Variants in ZFYVE9 observed in about 807,000 individuals in gnomAD.
ZFYVE9 encodes the protein zinc finger FYVE domain-containing protein 9.
ZFYVE9 carries 43 observed loss-of-function variants against 126.7 expected under a neutral mutation model. The ratio of observed to expected loss-of-function variants is 0.34; its 90% CI spans 0.27 to 0.44. ZFYVE9 has a LOEUF of 0.44. Ranked by LOEUF, ZFYVE9 falls within the 20% of genes least tolerant of loss-of-function variation. ZFYVE9 has a pLI of 1.00. For synonymous variants in ZFYVE9, 521 were observed against 597.4 expected (o/e 0.87, Z 1.87); for missense variants, 1,476 against 1,697.0 (o/e 0.87, Z 2.29).
chr1:52,339,730 A>G (rs905036008), intron 16 of ZFYVE9, among the ~76,000 whole-genome samples: 1 of 152,214 alleles, frequency 6.6e-6, no homozygotes, highest in Non-Finnish European at 1.5e-5. Flanking sequence ...GCAAACATGA[A>G]GAATATATCA....
At chr1:52,195,322 G>A (rs989713008) in intron 1 of ZFYVE9, among the ~76,000 whole-genome samples, 1 of 152,184 alleles carries the variant, frequency 6.6e-6, no homozygotes, top group African/African-American at 2.4e-5. Context: ...AATCTGAGAC[G>A]TGAAACCAGA....
At chr1:52,301,291 CTTTTTT>C (rs527599525) in intron 12 of ZFYVE9, among the ~76,000 whole-genome samples, 3 of 72,636 alleles carry the variant, frequency 4.1e-5, no homozygotes, top group African/African-American at 1.3e-4. Flanking sequence ...CTTTTTCCAT[CTTTTTT>C]TTTTTTTTTT....
intron 3 of ZFYVE9, among the ~76,000 whole-genome samples, chr1:52,235,682 T>G (rs1325101366): frequency 2.0e-5 from 3 of 152,170 alleles, no homozygotes; most frequent in Non-Finnish European, 2.9e-5. Context: ...ACTTATTGCT[T>G]CCTTAAATTC....
chr1:52,198,776 A>C (rs1039842120), intron 1 of ZFYVE9, among the ~76,000 whole-genome samples: 1 of 152,146 alleles, frequency 6.6e-6, no homozygotes, highest in Non-Finnish European at 1.5e-5. Context: ...CAAAATTGAG[A>C]GGAAAATAGA....
At position 52,161,964 on chromosome 1, in the gene ZFYVE9, A is replaced by G. The variant is rs572655188; in HGVS notation, c.-143+19561A>G. 2.2e-3 allele frequency among the ~76,000 whole-genome samples: 339 copies of G among 152,112 alleles called. 3 individuals are homozygous for G. Among genetic ancestry groups the G allele is most frequent in the Non-Finnish European group, 2.9e-3 (198 of 67,994 alleles). On this transcript the variant is annotated intron_variant, in intron 1 of 18. Coordinates refer to ENST00000287727, the MANE Select transcript of ZFYVE9 (RefSeq NM_004799.4). ...AAAAAAAAAAAAGTTTACGGAGTATAACACTAGGGTTGCTTTTATACTCAA... is the reference window on the plus strand; with the variant it reads ...AAAAAAAAAAAAGTTTACGGAGTATGACACTAGGGTTGCTTTTATACTCAA...
chr1:52,250,443 A>G (rs912274747), intron 4 of ZFYVE9, among the ~76,000 whole-genome samples: 2 of 152,144 alleles, frequency 1.3e-5, no homozygotes, highest in South Asian at 2.1e-4. Context: ...TAGAAATGCA[A>G]TGGACTTTTT....
rs553032493 is a variant in ZFYVE9, at chr1:52,337,271, T to C, written c.3671-501T>C. 3.0e-3 allele frequency among the ~76,000 whole-genome samples: 457 copies of C among 152,334 alleles called. 2 individuals carry two copies. The highest frequency in any genetic ancestry group is 0.01 in the African/African-American group (433 of 41,576). ...TCTGTTGGTTATCTGGTAGCCCATA[T>C]GAAACTCTGTGGTAGGTTTGCCTTA... On this transcript the variant is annotated intron_variant, in intron 15 of 18. Coordinates refer to ENST00000287727, the MANE Select transcript of ZFYVE9 (RefSeq NM_004799.4).
intron 1 of ZFYVE9, among the ~76,000 whole-genome samples, chr1:52,167,819 A>G (rs1644527530): frequency 6.6e-6 from 1 of 152,216 alleles, no homozygotes; most frequent in Admixed American, 6.5e-5. Context: ...GTCCAAAGCA[A>G]TGACCTCTCA....
At chr1:52,254,144 A>G in intron 4 of ZFYVE9, 1 of 709,872 alleles carries the variant, frequency 1.4e-6, no homozygotes, top group South Asian at 1.7e-5. Context: ...TCCTAGATGT[A>G]CAACTATAGA....
intron 1 of ZFYVE9, among the ~76,000 whole-genome samples, chr1:52,174,491 G>T (rs1306671400): frequency 6.6e-6 from 1 of 152,180 alleles, no homozygotes; most frequent in Non-Finnish European, 1.5e-5. Flanking sequence ...TTGATTTGGG[G>T]TGGAGAGTTC....
intron 13 of ZFYVE9, among the ~76,000 whole-genome samples, chr1:52,305,235 G>A (rs1480656078): frequency 6.6e-6 from 1 of 152,202 alleles, no homozygotes; most frequent in African/African-American, 2.4e-5. Context: ...GACGTCAGGA[G>A]TTTGAGACCA....
chr1:52,204,891 C>G (rs1023045325), intron 1 of ZFYVE9, among the ~76,000 whole-genome samples: 1 of 152,064 alleles, frequency 6.6e-6, no homozygotes, highest in Non-Finnish European at 1.5e-5. Context: ...GTTTTTAACT[C>G]GCAGAGTTGT....
At chr1:52,183,814 G>C (rs1434771852) in intron 1 of ZFYVE9, among the ~76,000 whole-genome samples, 1 of 150,282 alleles carries the variant, frequency 6.7e-6, no homozygotes, top group Non-Finnish European at 1.5e-5. Context: ...CCTCAGCTGT[G>C]TCTTTAATGT....
intron 3 of ZFYVE9, 38 bp downstream of exon 3, chr1:52,233,314 G>A (rs974882028): frequency 2.7e-6 from 4 of 1,476,172 alleles, no homozygotes; most frequent in Admixed American, 1.9e-5. Context: ...TGCCTATGTG[G>A]TATAGAGAAT....
At chr1:52,147,182 AG>A (rs1415832680) in intron 1 of ZFYVE9, among the ~76,000 whole-genome samples, 1 of 152,212 alleles carries the variant, frequency 6.6e-6, no homozygotes, top group Non-Finnish European at 1.5e-5. Flanking sequence ...CAAGTATTTT[AG>A]ATAAGGGATA....
intron 1 of ZFYVE9, among the ~76,000 whole-genome samples, chr1:52,169,605 C>T (rs1249828002): frequency 6.6e-6 from 1 of 152,116 alleles, no homozygotes; most frequent in Non-Finnish European, 1.5e-5. Flanking sequence ...AATTCAACAA[C>T]CTGGTTAGAT....
intron 6 of ZFYVE9, among the ~76,000 whole-genome samples, chr1:52,267,976 A>G (rs1002756974): frequency 1.3e-5 from 2 of 152,202 alleles, no homozygotes; most frequent in East Asian, 3.8e-4. Flanking sequence ...CTCTTCTGTT[A>G]TAAATGAATT....
chr1:52,240,850 G>A (rs1451097550), intron 4 of ZFYVE9, among the ~76,000 whole-genome samples: 3 of 152,074 alleles, frequency 2.0e-5, no homozygotes, highest in African/African-American at 7.2e-5. Flanking sequence ...CCAATTACAG[G>A]CAAAGGGGAC....
intron 1 of ZFYVE9, among the ~76,000 whole-genome samples, chr1:52,185,592 A>C (rs1345431848): frequency 2.6e-5 from 4 of 152,188 alleles, no homozygotes; most frequent in Admixed American, 2.6e-4. Flanking sequence ...AAGCACTTTT[A>C]AATCCTTTGT....
Sources: gnomAD v4.1 joint callset for allele counts (sites outside exome capture counted in the v4.1 genomes callset) on GRCh38, gnomAD v4.1.1 for gene constraint, MANE v1.5 for transcripts, NCBI Gene and HGNC (gene_info 2026-07-23, HGNC 2026-07-21) for gene names.